Variants in MACROD2 observed in about 807,000 individuals in gnomAD.
The protein encoded by MACROD2 is ADP-ribose glycohydrolase MACROD2.
In MACROD2, 36 loss-of-function variants were observed where a neutral mutation model predicts 70.4. The ratio of observed to expected loss-of-function variants is 0.51; its 90% CI spans 0.39 to 0.68. MACROD2 has a LOEUF of 0.68. Ranked by LOEUF, MACROD2 falls within the 30% of genes least tolerant of loss-of-function variation. The pLI, the probability that MACROD2 is intolerant of heterozygous loss-of-function variation, is 0.00. For synonymous variants in MACROD2, 172 were observed against 178.8 expected, an observed-to-expected ratio of 0.96 and a Z score of 0.30; for missense variants, 496 against 538.4, an observed-to-expected ratio of 0.92 and a Z score of 0.78.
chr20:14,944,027 G>A (rs144525088), intron 5 of MACROD2, among the ~76,000 whole-genome samples: 8 of 152,130 alleles, frequency 5.3e-5, no homozygotes, highest in South Asian at 2.1e-4. Context: ...TTTAACAGTC[G>A]TATACATTTC....
At position 15,847,101 on chromosome 20, in the gene MACROD2, C is replaced by T. The variant is rs1345858546; in HGVS notation, c.646-15644C>T. Reference sequence around the variant, plus strand: ...CCTTCTTAAAGTTTTTCAATGAATACATCATCAGTGGATCTTTCCAAATAT... The same window carrying T: ...CCTTCTTAAAGTTTTTCAATGAATATATCATCAGTGGATCTTTCCAAATAT... On this transcript the variant is annotated intron_variant, in intron 8 of 17. Transcript: ENST00000684519. 1.8e-4 allele frequency among the ~76,000 whole-genome samples: 27 copies of T among 152,156 alleles called. No homozygotes were observed. In the East Asian group the frequency reaches 4.3e-3, roughly 24 times the overall value.
intron 10 of MACROD2, among the ~76,000 whole-genome samples, chr20:15,901,416 A>ATG (rs2065062455): frequency 6.6e-6 from 1 of 152,088 alleles, no homozygotes; most frequent in Admixed American, 6.5e-5. Flanking sequence ...TGGACTCTCG[A>ATG]TGTGATAGTC....
At chr20:16,020,844 C>G (rs2057030434) in intron 15 of MACROD2, among the ~76,000 whole-genome samples, 1 of 152,022 alleles carries the variant, frequency 6.6e-6, no homozygotes, top group Non-Finnish European at 1.5e-5. Flanking sequence ...GTCAGCCCAT[C>G]TTTTTCACAG....
rs538148282 is a variant in MACROD2 at position 14,751,250 on chromosome 20, T to C, written c.418+66291T>C. Among the ~76,000 whole-genome samples, 5 of 152,126 alleles carry C rather than the reference T, an allele frequency of 3.3e-5. No homozygotes were observed. The South Asian group carries it at 1.0e-3, about 32-fold the overall frequency. The stretch of plus-strand genomic sequence containing the variant: ...CCTTAATGTGAAATCCCATTACACC[T>C]TACCTAATCTCTCAAATGGCACCTA... On this transcript the variant is annotated intron_variant, in intron 5 of 17. Transcript: ENST00000684519.
In MACROD2 at chr20:15,408,006, G is replaced by A. The variant is rs77790334; in HGVS notation, c.541-23399G>A. Among the ~76,000 whole-genome samples, 730 of 152,258 alleles carry A rather than the reference G, an allele frequency of 4.8e-3. 2 individuals are homozygous for A. Among genetic ancestry groups the A allele is most frequent in the Non-Finnish European group, 8.3e-3 (563 of 68,024 alleles). On this transcript the variant is annotated intron_variant, in intron 6 of 17. Coordinates refer to ENST00000684519, the MANE Select transcript of MACROD2 (RefSeq NM_001351661.2). ...CTCCATGCTGCGAAATCAGCTTCAGGACAGTCCTACTTCCAAATACTCTGT... is the reference window on the plus strand; with the variant it reads ...CTCCATGCTGCGAAATCAGCTTCAGAACAGTCCTACTTCCAAATACTCTGT...
In MACROD2 at chr20:15,607,826, G is replaced by A. The variant is rs182300600; in HGVS notation, c.645+107979G>A. 1.8e-3 allele frequency among the ~76,000 whole-genome samples: 272 copies of A among 152,270 alleles called. 1 individual carries two copies. The highest frequency in any genetic ancestry group is 5.7e-3 in the African/African-American group (237 of 41,546). On this transcript the variant is annotated intron_variant, in intron 8 of 17. Transcript: ENST00000684519. ...TGGGATTACAGGTGTAAGTTACCGCGCCCGGCTGCAATAAAGATGTTTCTA... is the reference window on the plus strand; with the variant it reads ...TGGGATTACAGGTGTAAGTTACCGCACCCGGCTGCAATAAAGATGTTTCTA...
intron 6 of MACROD2, among the ~76,000 whole-genome samples, chr20:15,383,162 C>A (rs554865762): frequency 2.0e-4 from 31 of 152,060 alleles, no homozygotes; most frequent in Admixed American, 3.3e-4. Flanking sequence ...ATTTGAACAC[C>A]AGGTGTATGA....
chr20:15,761,119 C>T (rs1466728446), intron 8 of MACROD2, among the ~76,000 whole-genome samples: 1 of 152,196 alleles, frequency 6.6e-6, no homozygotes, highest in Non-Finnish European at 1.5e-5. Flanking sequence ...GATCTTGGCT[C>T]ACTGCAACCT....
intron 2 of MACROD2, among the ~76,000 whole-genome samples, chr20:14,037,529 T>C (rs999054777): frequency 1.3e-5 from 2 of 152,208 alleles, no homozygotes; most frequent in Non-Finnish European, 2.9e-5. Flanking sequence ...GGGATGCATA[T>C]TTTTTGATTG....
intron 3 of MACROD2, among the ~76,000 whole-genome samples, chr20:14,351,151 G>A (rs1329674837): frequency 2.6e-5 from 4 of 152,108 alleles, no homozygotes; most frequent in African/African-American, 9.7e-5. Flanking sequence ...GGTTGTTATA[G>A]CCCTGTAGTA....
chr20:14,313,721 T>G (rs1399315231), intron 3 of MACROD2, among the ~76,000 whole-genome samples: 2 of 152,198 alleles, frequency 1.3e-5, no homozygotes, highest in Non-Finnish European at 2.9e-5. Flanking sequence ...AAGAAATATG[T>G]TAACTAAGTT....
chr20:15,789,689 T>C (rs1326490972), intron 8 of MACROD2, among the ~76,000 whole-genome samples: 1 of 152,018 alleles, frequency 6.6e-6, no homozygotes, highest in Non-Finnish European at 1.5e-5. Flanking sequence ...ATTTTCAAAT[T>C]GATTAATAAC....
intron 15 of MACROD2, among the ~76,000 whole-genome samples, chr20:16,022,957 TAGA>T (rs1234263158): frequency 5.9e-5 from 9 of 152,200 alleles, no homozygotes; most frequent in Non-Finnish European, 1.2e-4. Flanking sequence ...TATTGATCTT[TAGA>T]AGAAGAGCTA....
intron 6 of MACROD2, among the ~76,000 whole-genome samples, chr20:15,417,244 C>T (rs1555816498): frequency 6.6e-6 from 1 of 151,242 alleles, no homozygotes; most frequent in Non-Finnish European, 1.5e-5. Flanking sequence ...TGTAGCCATA[C>T]AAAAAAAGGG....
intron 3 of MACROD2, among the ~76,000 whole-genome samples, chr20:14,304,363 C>T (rs2082501897): frequency 6.6e-6 from 1 of 152,166 alleles, no homozygotes; most frequent in African/African-American, 2.4e-5. Context: ...AGTATCCATT[C>T]TGTCGCCAGA....
In MACROD2 at chr20:14,859,313, A is replaced by C. The variant is rs549766725; in HGVS notation, c.418+174354A>C. On this transcript the variant is annotated intron_variant, in intron 5 of 17. Coordinates refer to ENST00000684519, the MANE Select transcript of MACROD2 (RefSeq NM_001351661.2). ...GTTAATTATAGAAAGTGTTCTATTTAAGTGTTAATTATTATAATAATCATG... is the reference window on the plus strand; with the variant it reads ...GTTAATTATAGAAAGTGTTCTATTTCAGTGTTAATTATTATAATAATCATG... Among the ~76,000 whole-genome samples the C allele has an allele frequency of 3.3e-5, 5 of 152,310 alleles. No individual in the cohort carries two copies. The East Asian group carries it at 7.7e-4, about 23-fold the overall frequency.
intron 5 of MACROD2, among the ~76,000 whole-genome samples, chr20:14,735,722 T>C (rs2071656260): frequency 6.6e-6 from 1 of 152,028 alleles, no homozygotes; most frequent in South Asian, 2.1e-4. Flanking sequence ...TGATGGTGCA[T>C]GCCTGTAGTC....
chr20:14,460,167 A>T (rs1432420124), intron 3 of MACROD2, among the ~76,000 whole-genome samples: 1 of 152,120 alleles, frequency 6.6e-6, no homozygotes, highest in African/African-American at 2.4e-5. Flanking sequence ...GCTATTGTGA[A>T]TAGTGCTGCA....
At chr20:15,830,271 G>A (rs1421523616) in intron 8 of MACROD2, among the ~76,000 whole-genome samples, 1 of 152,206 alleles carries the variant, frequency 6.6e-6, no homozygotes, top group African/African-American at 2.4e-5. Flanking sequence ...GGCATCCACA[G>A]CATACAAAGT....
Sources: allele counts gnomAD v4.1 joint callset (sites outside exome capture counted in the v4.1 genomes callset), GRCh38; gene constraint gnomAD v4.1.1; transcripts MANE v1.5; gene names NCBI Gene and HGNC (gene_info 2026-07-23, HGNC 2026-07-21).